ZSCAN5A: variants seen among roughly 807,000 people sequenced by gnomAD.
The protein encoded by ZSCAN5A is zinc finger and SCAN domain-containing protein 5A.
Under a neutral mutation model 23.7 loss-of-function variants are expected in ZSCAN5A, and 12 were observed. The observed-to-expected ratio is 0.51, with a 90% CI of 0.32 to 0.82. The LOEUF is 0.82. ZSCAN5A is among the 40% of genes least tolerant of loss of function. The pLI is 0.03. For missense variants in ZSCAN5A, 597 were observed against 617.9 expected (o/e 0.97, Z 0.36); for synonymous variants, 257 against 239.9 (o/e 1.07, Z -0.66).
At chr19:56,293,967 C>A (rs2039691941) in intron 2 of ZSCAN5A, among the ~76,000 whole-genome samples, 1 of 152,214 alleles carries the variant, frequency 6.6e-6, no homozygotes, top group African/African-American at 2.4e-5. Context: ...AGGACCACCT[C>A]ATTTACCTTT....
At chr19:56,225,226 C>T in intron 2 of ZSCAN5A, 53 bp from the exon 3 acceptor site, 1 of 1,396,964 alleles carries the variant, frequency 7.2e-7, no homozygotes, top group Non-Finnish European at 9.3e-7. Context: ...TCCATCCATC[C>T]CTCCCTTCGA....
chr19:56,308,904 G>C (rs913125937), intron 2 of ZSCAN5A, among the ~76,000 whole-genome samples: 3 of 152,158 alleles, frequency 2.0e-5, no homozygotes, highest in Non-Finnish European at 2.9e-5. Context: ...TTCATATAAA[G>C]GTGTGCTTTC....
chr19:56,224,794 C>T lies in ZSCAN5A; in HGVS notation c.253G>A (p.Asp85Asn), dbSNP rs768324013. The T allele has an allele frequency of 3.1e-6, 5 of 1,610,408 alleles. No homozygotes were observed. Among genetic ancestry groups the T allele is most frequent in the Non-Finnish European group, 4.2e-6 (5 of 1,177,922 alleles). ...PDLHTKEQILDMLVMEQFMIS... is the reference protein window; with the variant it reads ...PDLHTKEQILNMLVMEQFMIS... ...ATGAACTGCTCCATCACCAGCATGT[C>T]CAGGATCTGCTCTTTGGTGTGGAGG... Residue 85 changes from aspartate (D) to asparagine (N), a missense_variant, in exon 3 of 6, where the codon GAC becomes AAC. Coordinates refer to ENST00000683990, the MANE Select transcript of ZSCAN5A (RefSeq NM_001322064.3).
intron 2 of ZSCAN5A, among the ~76,000 whole-genome samples, chr19:56,360,346 AC>A (rs1385659187): frequency 6.6e-6 from 1 of 152,162 alleles, no homozygotes; most frequent in Non-Finnish European, 1.5e-5. Context: ...AAAATAAAAC[AC>A]CTAGAAATAC....
intron 2 of ZSCAN5A, among the ~76,000 whole-genome samples, chr19:56,251,682 A>G (rs1476411293): frequency 1.3e-5 from 2 of 152,126 alleles, no homozygotes; most frequent in East Asian, 3.9e-4. Flanking sequence ...GATTGTGTTA[A>G]GTGAAATAAG....
intron 2 of ZSCAN5A, among the ~76,000 whole-genome samples, chr19:56,236,845 T>TGGGCCAAGCCTCCACTCCAGCCTCTGATG (rs1568625928): frequency 2.3e-5 from 3 of 128,752 alleles, no homozygotes. Context: ...AACCTCTGAT[T>TGGGCCAAGCCTCCACTCCAGCCTCTGATG]GACCGTGGGC....
At chr19:56,347,555 G>A (rs1167954161) in intron 2 of ZSCAN5A, 1 of 152,198 alleles carries the variant, frequency 6.6e-6, no homozygotes, top group Non-Finnish European at 1.5e-5. Context: ...TCAGCTAAGG[G>A]AGAGTCAATT....
intron 2 of ZSCAN5A, among the ~76,000 whole-genome samples, chr19:56,349,704 CAAAAAAAAA>C (rs3059533): frequency 1.3e-4 from 4 of 30,940 alleles, no homozygotes; most frequent in Admixed American, 9.6e-4. Flanking sequence ...AACTCCGTCT[CAAAAAAAAA>C]AAAAAAAAAA....
chr19:56,340,495 T>C (rs761007346), intron 2 of ZSCAN5A, among the ~76,000 whole-genome samples: 9 of 152,228 alleles, frequency 5.9e-5, no homozygotes, highest in Admixed American at 2.0e-4. Flanking sequence ...GTCACATCAA[T>C]GTCATGAAAG....
At chr19:56,318,278 G>A (rs1372248314), upstream of ZSCAN5A, among the ~76,000 whole-genome samples, 1 of 151,972 alleles carries the variant, frequency 6.6e-6, no homozygotes, top group Non-Finnish European at 1.5e-5. Flanking sequence ...CATGCTTCCG[G>A]TTCTTATTCA....
At chr19:56,236,765 A>G (rs2034956023) in intron 2 of ZSCAN5A, among the ~76,000 whole-genome samples, 1 of 144,686 alleles carries the variant, frequency 6.9e-6, no homozygotes, top group Non-Finnish European at 1.5e-5. Context: ...CCTCCACTCC[A>G]GCCTCTGATG....
intron 2 of ZSCAN5A, chr19:56,321,901 T>TA: frequency 1.3e-6 from 1 of 784,426 alleles, no homozygotes; most frequent in South Asian, 1.3e-5. Flanking sequence ...GGGCTTCTGT[T>TA]ACCATCCGGT....
intron 2 of ZSCAN5A, chr19:56,297,536 G>C (rs1268749744): frequency 1.0e-6 from 1 of 984,690 alleles, no homozygotes; most frequent in Non-Finnish European, 1.2e-6. Context: ...AGGAAGGTAA[G>C]TGCTTGGGGT....
intron 2 of ZSCAN5A, among the ~76,000 whole-genome samples, chr19:56,247,779 T>C (rs900509123): frequency 2.0e-5 from 3 of 151,876 alleles, no homozygotes; most frequent in African/African-American, 4.8e-5. Flanking sequence ...GCCAGCTCAG[T>C]CTCCCAGGTT....
chr19:56,328,355 C>T (rs1010041536), intron 2 of ZSCAN5A, among the ~76,000 whole-genome samples: 1 of 152,038 alleles, frequency 6.6e-6, no homozygotes, highest in African/African-American at 2.4e-5. Flanking sequence ...ATTAAAAAAA[C>T]ATATTTGTGG....
intron 2 of ZSCAN5A, among the ~76,000 whole-genome samples, chr19:56,324,643 A>G (rs1187049901): frequency 8.1e-6 from 1 of 123,752 alleles, no homozygotes; most frequent in Non-Finnish European, 1.6e-5. Flanking sequence ...TACATGTTCA[A>G]AAAAAAAAAA....
At chr19:56,236,032 C>G (rs1230512894) in intron 2 of ZSCAN5A, among the ~76,000 whole-genome samples, 1 of 85,584 alleles carries the variant, frequency 1.2e-5, no homozygotes. Context: ...TCCACTCCAA[C>G]CTCTGATGGA....
rs1444954940 is a variant in ZSCAN5A, at chr19:56,268,206, C to G, written c.-127-43033G>C. Reference sequence around the variant, plus strand: ...GGACCTAGTCAGTGGCTTGGGACTCCTTGGGGGTTGGGAAGCCAGGCTGCC... The same window carrying G: ...GGACCTAGTCAGTGGCTTGGGACTCGTTGGGGGTTGGGAAGCCAGGCTGCC... On this transcript the variant is annotated intron_variant, in intron 2 of 5. Transcript: ENST00000683990. Among the ~76,000 whole-genome samples the G allele has an allele frequency of 2.0e-5, 3 of 152,282 alleles. No homozygotes were observed. The East Asian group carries it at 5.8e-4, about 29-fold the overall frequency.
chr19:56,309,131 G>C (rs913155598), intron 2 of ZSCAN5A, among the ~76,000 whole-genome samples: 3 of 152,202 alleles, frequency 2.0e-5, no homozygotes, highest in Non-Finnish European at 4.4e-5. Context: ...AAGAGGAATG[G>C]GGTCCTGGCA....
Sources: gnomAD v4.1 joint callset for allele counts (sites outside exome capture counted in the v4.1 genomes callset) on GRCh38, gnomAD v4.1.1 for gene constraint, MANE v1.5 for transcripts, NCBI Gene and HGNC (gene_info 2026-07-23, HGNC 2026-07-21) for gene names.